CPEB3: variants seen among roughly 807,000 people sequenced by gnomAD.
The protein encoded by CPEB3 is cytoplasmic polyadenylation element binding protein 3, also known as cytoplasmic polyadenylation element-binding protein 3.
A neutral mutation model predicts 67.2 loss-of-function variants in CPEB3; 20 were observed. The ratio of observed to expected loss-of-function variants is 0.30; its 90% confidence interval spans 0.21 to 0.43. The LOEUF (loss-of-function observed/expected upper bound fraction) is 0.43. Among genes scored for constraint, CPEB3 ranks in the 20% least tolerant of loss-of-function variants. CPEB3 has a pLI of 1.00. For missense variants in CPEB3, 746 were observed against 968.6 expected, an observed-to-expected ratio of 0.77 and a Z score of 3.05; for synonymous variants, 376 against 393.1, an observed-to-expected ratio of 0.96 and a Z score of 0.51.
intron 1 of CPEB3, among the ~76,000 whole-genome samples, chr10:92,258,636 A>ATT (rs2134865309): frequency 5.0e-5 from 1 of 20,108 alleles, no homozygotes; most frequent in East Asian, 6.8e-4. Flanking sequence ...ATATATATAT[A>ATT]TATATATATA....
At chr10:92,110,393 G>T (rs1269129039) in intron 7 of CPEB3, among the ~76,000 whole-genome samples, 1 of 152,106 alleles carries the variant, frequency 6.6e-6, no homozygotes, top group Non-Finnish European at 1.5e-5. Context: ...TCACATAAAT[G>T]AAGTTCGTTT....
intron 7 of CPEB3, among the ~76,000 whole-genome samples, chr10:92,098,679 C>T (rs1844013277): frequency 6.6e-6 from 1 of 151,712 alleles, no homozygotes; most frequent in Non-Finnish European, 1.5e-5. Flanking sequence ...TAAACTGAAA[C>T]ATTAGATAGC....
chr10:92,148,781 C>T (rs1564818979), intron 4 of CPEB3, among the ~76,000 whole-genome samples: 7 of 152,116 alleles, frequency 4.6e-5, no homozygotes, highest in Admixed American at 2.6e-4. Flanking sequence ...GAGATGTAAC[C>T]ATGTCCTAGA....
Position 92,262,609 on chromosome 10 carries a change from G to A in CPEB3, c.-11-22248C>T, listed in dbSNP as rs991984884. Among the ~76,000 whole-genome samples, 7 of 152,130 alleles carry A rather than the reference G, an allele frequency of 4.6e-5. No homozygotes were observed. In the South Asian group the frequency reaches 6.2e-4, roughly 14 times the overall value. The stretch of plus-strand genomic sequence containing the variant: ...CGCCTATAATCCCAGCACTTTGGGA[G>A]GCTGAGGGGGGAGGATTGCTTGAGC... On this transcript the variant is annotated intron_variant, in intron 1 of 9. Transcript: ENST00000265997.
At chr10:92,111,716 A>C (rs997013869) in intron 6 of CPEB3, among the ~76,000 whole-genome samples, 3 of 152,194 alleles carry the variant, frequency 2.0e-5, no homozygotes, top group Non-Finnish European at 2.9e-5. Context: ...TGGGATGATA[A>C]ATTTTCTAAA....
intron 2 of CPEB3, among the ~76,000 whole-genome samples, chr10:92,202,478 T>C (rs2134254156): frequency 6.7e-6 from 1 of 149,250 alleles, no homozygotes; most frequent in South Asian, 2.1e-4. Flanking sequence ...TGAAGTACTA[T>C]AAATAAATAT....
chr10:92,210,878 A>G (rs1160068813), intron 2 of CPEB3, among the ~76,000 whole-genome samples: 1 of 152,180 alleles, frequency 6.6e-6, no homozygotes, highest in African/African-American at 2.4e-5. Context: ...TCTGTATAAA[A>G]ATACAAAAAT....
chr10:92,216,213 G>C (rs1157279501), intron 2 of CPEB3: 2 of 875,784 alleles, frequency 2.3e-6, no homozygotes, highest in East Asian at 2.7e-5. Flanking sequence ...CGAGGAGCAC[G>C]GATCACAAGG....
chr10:92,268,979 A>G (rs1332686577), intron 1 of CPEB3, among the ~76,000 whole-genome samples: 1 of 152,178 alleles, frequency 6.6e-6, no homozygotes, highest in Non-Finnish European at 1.5e-5. Flanking sequence ...ACTGACCCCT[A>G]CTATAGCTGC....
rs151104954 is a variant in CPEB3 at position 92,143,081 on chromosome 10, G to A, written c.1401C>T (p.Leu467=). Residue 467 remains leucine, a synonymous_variant, in exon 6 of 10, where the codon CTC becomes CTT. Transcript: ENST00000265997. ...CAGCTTTGTGAGGCCAGTCTACTAC[G>A]AGAGGTCCAAACCTGCGAAAGCTGG... ...ITASFRRFGP[L]VVDWPHKAES... 7.5e-4 allele frequency: 1,215 copies of A among 1,613,528 alleles called. 5 individuals carry two copies. The highest frequency in any genetic ancestry group is 5.4e-3 in the South Asian group (495 of 91,016).
rs537577821 is a variant in CPEB3, at chr10:92,218,888, C to T, written c.1005+20458G>A. ...GGAGCGCAGTGGTATGATCACAGCTCGCTGCAGCCTCGACTTCCTAAGGCT... is the reference window on the plus strand; with the variant it reads ...GGAGCGCAGTGGTATGATCACAGCTTGCTGCAGCCTCGACTTCCTAAGGCT... On this transcript the variant is annotated intron_variant, in intron 2 of 9. Transcript: ENST00000265997. 3.0e-3 allele frequency among the ~76,000 whole-genome samples: 453 copies of T among 151,990 alleles called. 4 individuals carry two copies. The highest frequency in any genetic ancestry group is 0.01 in the African/African-American group (427 of 41,436).
intron 1 of CPEB3, among the ~76,000 whole-genome samples, chr10:92,245,854 C>T (rs1197046288): frequency 6.6e-6 from 1 of 151,316 alleles, no homozygotes. Flanking sequence ...CTGACCAACA[C>T]GGTGAAACCT....
chr10:92,230,542 T>C (rs1851219060), intron 2 of CPEB3, among the ~76,000 whole-genome samples: 2 of 152,214 alleles, frequency 1.3e-5, no homozygotes, highest in African/African-American at 4.8e-5. Flanking sequence ...TATTCCAAGA[T>C]GCTAAGTTAC....
intron 1 of CPEB3, among the ~76,000 whole-genome samples, chr10:92,261,001 G>A (rs1484279815): frequency 6.6e-6 from 1 of 151,938 alleles, no homozygotes; most frequent in African/African-American, 2.4e-5. Flanking sequence ...CTGAAGTAAT[G>A]AAAAAAACCT....
chr10:92,159,149 G>C (rs1847347193), intron 4 of CPEB3, among the ~76,000 whole-genome samples: 2 of 151,992 alleles, frequency 1.3e-5, no homozygotes, highest in African/African-American at 4.8e-5. Flanking sequence ...TGTAATCCCA[G>C]CACTTTGAAA....
At chr10:92,233,562 A>G (rs1242135650) in intron 2 of CPEB3, among the ~76,000 whole-genome samples, 1 of 151,808 alleles carries the variant, frequency 6.6e-6, no homozygotes, top group Non-Finnish European at 1.5e-5. Context: ...AATGGACAGA[A>G]CACAAACTAC....
intron 1 of CPEB3, among the ~76,000 whole-genome samples, chr10:92,276,867 G>A (rs1021182651): frequency 6.6e-6 from 1 of 152,250 alleles, no homozygotes; most frequent in African/African-American, 2.4e-5. Context: ...GCTATCCTAT[G>A]ATGGCTAGTC....
intron 9 of CPEB3, among the ~76,000 whole-genome samples, chr10:92,062,236 C>A (rs1377329944): frequency 9.8e-6 from 1 of 102,430 alleles, no homozygotes; most frequent in Non-Finnish European, 2.1e-5. Context: ...CAGAGTGAGA[C>A]CCTGTCTCAA....
chr10:92,129,080 G>A (rs1030878135), intron 6 of CPEB3, among the ~76,000 whole-genome samples: 5 of 152,160 alleles, frequency 3.3e-5, no homozygotes, highest in Non-Finnish European at 5.9e-5. Context: ...GCAAAGACAT[G>A]GAATCAACCT....
Sources: allele counts gnomAD v4.1 joint callset (sites outside exome capture counted in the v4.1 genomes callset), GRCh38; gene constraint gnomAD v4.1.1; transcripts MANE v1.5; gene names NCBI Gene and HGNC (gene_info 2026-07-23, HGNC 2026-07-21).